Variants in PDLIM5 observed in about 807,000 individuals in gnomAD.
PDLIM5 encodes the protein PDZ and LIM domain 5, also known as PDZ and LIM domain protein 5.
Under a neutral mutation model 64.2 loss-of-function variants are expected in PDLIM5, and 34 were observed. The observed-to-expected ratio is 0.53, with a 90% CI of 0.40 to 0.71. The LOEUF is 0.71. Among genes scored for constraint, PDLIM5 ranks in the 30% least tolerant of loss-of-function variants. PDLIM5 has a pLI of 0.00. For missense variants in PDLIM5, 683 were observed against 733.6 expected (o/e 0.93, Z 0.80); for synonymous variants, 253 against 269.1 (o/e 0.94, Z 0.59).
chr4:94,526,060 T>C (rs1184721816), intron 3 of PDLIM5, among the ~76,000 whole-genome samples: 1 of 152,198 alleles, frequency 6.6e-6, no homozygotes, highest in African/African-American at 2.4e-5. Flanking sequence ...CAAATAGAGA[T>C]GATGACAGGC....
chr4:94,528,404 A>G (rs781241911), intron 3 of PDLIM5, among the ~76,000 whole-genome samples: 17 of 152,162 alleles, frequency 1.1e-4, no homozygotes, highest in Non-Finnish European at 2.1e-4. Flanking sequence ...AATAAACCTA[A>G]TTAGCTAATA....
At chr4:94,600,559 T>A (rs1737414668) in intron 7 of PDLIM5, among the ~76,000 whole-genome samples, 1 of 152,250 alleles carries the variant, frequency 6.6e-6, no homozygotes, top group South Asian at 2.1e-4. Context: ...ATACCTTTAT[T>A]GTTTATAAAT....
At position 94,605,902 on chromosome 4, in the gene PDLIM5, T is replaced by C. The variant is rs530025368; in HGVS notation, c.921-12102T>C. Among the ~76,000 whole-genome samples, 12 of 151,876 alleles carry C rather than the reference T, an allele frequency of 7.9e-5. No homozygotes were observed. In the South Asian group the frequency reaches 2.5e-3, roughly 32 times the overall value. ...TCTGTCCTGTGGTAATATGTAGATA[T>C]TGATAATAATTTATAACCATATTTT... On this transcript the variant is annotated intron_variant, in intron 7 of 12. Coordinates refer to ENST00000317968, the MANE Select transcript of PDLIM5 (RefSeq NM_006457.5).
chr4:94,628,748 A>G (rs937866494), intron 8 of PDLIM5, among the ~76,000 whole-genome samples: 4 of 152,196 alleles, frequency 2.6e-5, no homozygotes, highest in South Asian at 2.1e-4. Flanking sequence ...TAATATGAGT[A>G]TAAAATGATT....
chr4:94,585,592 C>G lies in PDLIM5; in HGVS notation c.738C>G (p.Arg246=), dbSNP rs1723006637. Residue 246 remains arginine (R), a synonymous_variant, in exon 6 of 13, where the codon CGC becomes CGG. Transcript: ENST00000317968. ...CACCAAGAAAACACATTGTGGAGCG[C>G]TATACAGAGTTTTATCATGTACCCA... The part of the protein sequence containing the change: ...NGPPRKHIVE[R]YTEFYHVPTH... 6.2e-7 allele frequency: 1 copy of G among 1,612,312 alleles called. No individual in the cohort carries two copies. The highest frequency in any genetic ancestry group is 8.5e-7 in the Non-Finnish European group (1 of 1,179,444).
In PDLIM5 at chr4:94,624,131, G is replaced by A. The variant is rs550836249; in HGVS notation, c.1108+5940G>A. ...TTGAGACCAGCCTGGGCAACATAGC[G>A]GGACCCCCATCTCCACAAATTAAAA... On this transcript the variant is annotated intron_variant, in intron 8 of 12. Coordinates refer to ENST00000317968, the MANE Select transcript of PDLIM5 (RefSeq NM_006457.5). 9.9e-5 allele frequency among the ~76,000 whole-genome samples: 15 copies of A among 151,430 alleles called. No homozygotes were observed. The South Asian group carries it at 2.7e-3, about 27-fold the overall frequency.
chr4:94,569,332 C>CGTTCGTTT (rs1734608372), intron 3 of PDLIM5, among the ~76,000 whole-genome samples: 1 of 151,414 alleles, frequency 6.6e-6, no homozygotes, highest in Non-Finnish European at 1.5e-5. Flanking sequence ...TTTGTTTGTT[C>CGTTCGTTT]GTTTGTTTGT....
At chr4:94,655,502 A>C (rs1435264038) in intron 10 of PDLIM5, among the ~76,000 whole-genome samples, 1 of 152,212 alleles carries the variant, frequency 6.6e-6, no homozygotes, top group Non-Finnish European at 1.5e-5. Context: ...AGTAGTCTTA[A>C]GATATCTCTT....
At chr4:94,559,687 G>C (rs564746891) in intron 3 of PDLIM5, among the ~76,000 whole-genome samples, 1 of 152,158 alleles carries the variant, frequency 6.6e-6, no homozygotes, top group Non-Finnish European at 1.5e-5. Flanking sequence ...CTCAAATATG[G>C]ATCTCAACAT....
chr4:94,639,010 A>G (rs1026407261), intron 8 of PDLIM5, among the ~76,000 whole-genome samples: 6 of 152,194 alleles, frequency 3.9e-5, no homozygotes, highest in Non-Finnish European at 8.8e-5. Context: ...TTTAATCCAG[A>G]TTATATGGAG....
intron 4 of PDLIM5, among the ~76,000 whole-genome samples, chr4:94,574,513 A>AC (rs1735083351): frequency 6.6e-6 from 1 of 151,856 alleles, no homozygotes; most frequent in African/African-American, 2.4e-5. Flanking sequence ...AAAAAAAAAA[A>AC]AACAAGATGA....
At chr4:94,511,063 A>G (rs1560666502) in intron 2 of PDLIM5, among the ~76,000 whole-genome samples, 2 of 152,190 alleles carry the variant, frequency 1.3e-5, no homozygotes, top group Non-Finnish European at 2.9e-5. Flanking sequence ...GAAACATTTG[A>G]TCTAACCATC....
At chr4:94,643,921 A>T (rs944396207) in intron 9 of PDLIM5, among the ~76,000 whole-genome samples, 3 of 152,140 alleles carry the variant, frequency 2.0e-5, no homozygotes, top group Non-Finnish European at 4.4e-5. Context: ...TTTATTTATC[A>T]TCCCCACTAA....
rs115036198 is a variant in PDLIM5, at chr4:94,646,075, G to A, written c.1283+5625G>A. On this transcript the variant is annotated intron_variant, in intron 9 of 12. Transcript: ENST00000317968. ...TAATGCAGGAGTATAAGCAACATTC[G>A]TTGAGTATTTTGTGTGCCGCTGTCC... Among the ~76,000 whole-genome samples, 10 of 152,236 alleles carry A rather than the reference G, an allele frequency of 6.6e-5. No individual in the cohort carries two copies. The Middle Eastern group carries it at 0.01, about 155-fold the overall frequency.
At chr4:94,663,955 C>T (rs1313928468) in intron 12 of PDLIM5, 23 bp from the exon 13 acceptor site, 13 of 1,592,028 alleles carry the variant, frequency 8.2e-6, no homozygotes, top group Non-Finnish European at 9.5e-6. Flanking sequence ...AATAATATCT[C>T]TTAAATGCTG....
At chr4:94,500,618 G>C (rs929069628) in intron 2 of PDLIM5, among the ~76,000 whole-genome samples, 28 of 152,056 alleles carry the variant, frequency 1.8e-4, no homozygotes, top group African/African-American at 6.8e-4. Context: ...AACTAAAATA[G>C]TATTTTTTAG....
chr4:94,543,927 T>G (rs1732075509), intron 3 of PDLIM5, among the ~76,000 whole-genome samples: 1 of 152,140 alleles, frequency 6.6e-6, no homozygotes, highest in Non-Finnish European at 1.5e-5. Context: ...CTTCATTTCC[T>G]TTGGATATAT....
intron 7 of PDLIM5, among the ~76,000 whole-genome samples, chr4:94,590,826 A>G (rs1736621364): frequency 6.6e-6 from 1 of 152,242 alleles, no homozygotes; most frequent in Non-Finnish European, 1.5e-5. Context: ...TCCTATCCAT[A>G]GCATTTTAAA....
intron 2 of PDLIM5, among the ~76,000 whole-genome samples, chr4:94,469,380 A>G (rs1367811695): frequency 6.6e-6 from 1 of 152,212 alleles, no homozygotes; most frequent in African/African-American, 2.4e-5. Context: ...AGGAGGCAGC[A>G]TTGACCTAAG....
Sources: allele counts gnomAD v4.1 joint callset (sites outside exome capture counted in the v4.1 genomes callset), GRCh38; gene constraint gnomAD v4.1.1; transcripts MANE v1.5; gene names NCBI Gene and HGNC (gene_info 2026-07-23, HGNC 2026-07-21).